Variants in CDKAL1 observed in about 807,000 individuals in gnomAD.
The protein encoded by CDKAL1 is CDKAL1 threonylcarbamoyladenosine tRNA methylthiotransferase.
In CDKAL1, 32 loss-of-function variants were observed where a neutral mutation model predicts 68.2. The ratio of observed to expected loss-of-function variants is 0.47; its 90% CI spans 0.35 to 0.63. CDKAL1 has a LOEUF of 0.63. CDKAL1 is among the 30% of genes least tolerant of loss of function. The pLI, the probability that CDKAL1 is intolerant of heterozygous loss-of-function variation, is 0.00. For missense variants in CDKAL1, 606 were observed against 696.7 expected (o/e 0.87, Z 1.47); for synonymous variants, 234 against 244.3 (o/e 0.96, Z 0.39).
intron 4 of CDKAL1, among the ~76,000 whole-genome samples, chr6:20,596,561 G>A (rs12210459): frequency 0.37 from 55,560 of 152,092 alleles, 10,406 homozygotes; most frequent in Middle Eastern, 0.45. Context: ...TGTGCTGGCA[G>A]TGCGAATTTC....
At chr6:20,664,885 A>G (rs1206325565) in intron 5 of CDKAL1, among the ~76,000 whole-genome samples, 1 of 152,134 alleles carries the variant, frequency 6.6e-6, no homozygotes, top group African/African-American at 2.4e-5. Context: ...CAGCATAATT[A>G]GAACTTAAAA....
intron 4 of CDKAL1, among the ~76,000 whole-genome samples, chr6:20,635,643 T>C (rs1767871962): frequency 6.6e-6 from 1 of 152,158 alleles, no homozygotes; most frequent in African/African-American, 2.4e-5. Flanking sequence ...GAGTTTTGGA[T>C]TAGGGATACT....
chr6:20,571,457 A>C (rs976118981), intron 4 of CDKAL1, among the ~76,000 whole-genome samples: 24 of 152,018 alleles, frequency 1.6e-4, no homozygotes, highest in African/African-American at 5.3e-4. Flanking sequence ...CTTATCTAGT[A>C]ATTGGTTGGA....
chr6:21,220,321 T>G (rs1179014182), intron 15 of CDKAL1, among the ~76,000 whole-genome samples: 2 of 152,222 alleles, frequency 1.3e-5, no homozygotes, highest in Non-Finnish European at 2.9e-5. Context: ...ATTTCCAAAC[T>G]TTGACCCAGT....
chr6:20,749,841 C>T (rs1162901839), intron 6 of CDKAL1, among the ~76,000 whole-genome samples: 1 of 152,024 alleles, frequency 6.6e-6, no homozygotes, highest in African/African-American at 2.4e-5. Flanking sequence ...GCCACCACGC[C>T]CAGCCCCAGA....
At chr6:20,629,121 A>G (rs760430501) in intron 4 of CDKAL1, among the ~76,000 whole-genome samples, 1 of 152,120 alleles carries the variant, frequency 6.6e-6, no homozygotes, top group Non-Finnish European at 1.5e-5. Context: ...TTTAATCTGG[A>G]CTAGTTTCTC....
At chr6:21,180,805 A>G (rs1020777836) in intron 13 of CDKAL1, among the ~76,000 whole-genome samples, 1 of 152,140 alleles carries the variant, frequency 6.6e-6, no homozygotes, top group Non-Finnish European at 1.5e-5. Context: ...TTTATATCTG[A>G]GTTTCATTTT....
At chr6:21,082,691 A>G (rs1261187676) in intron 12 of CDKAL1, among the ~76,000 whole-genome samples, 1 of 152,142 alleles carries the variant, frequency 6.6e-6, no homozygotes, top group Non-Finnish European at 1.5e-5. Flanking sequence ...TTTTATAGAA[A>G]AGTTGTAAGA....
intron 9 of CDKAL1, among the ~76,000 whole-genome samples, chr6:20,923,752 C>T (rs1014755271): frequency 1.3e-5 from 2 of 152,192 alleles, no homozygotes; most frequent in African/African-American, 4.8e-5. Context: ...GCGGCACACG[C>T]CTGTAATCTA....
In CDKAL1 at chr6:20,648,388, AAAGTG is replaced by A. The variant is rs1172336849; in HGVS notation, c.287-904_287-900del. On this transcript the variant is annotated intron_variant, in intron 4 of 15. Transcript: ENST00000274695. ...CATGATCCACCCTCCACAGCCTCCC[AAAGTG>A]CTGGGATTACGGGAGTGAGCCACTG... 5.3e-5 allele frequency among the ~76,000 whole-genome samples: 8 copies of A among 152,160 alleles called. No individual in the cohort carries two copies. The South Asian group carries it at 1.5e-3, about 28-fold the overall frequency.
At chr6:20,764,952 G>C (rs1295483035) in intron 7 of CDKAL1, among the ~76,000 whole-genome samples, 1 of 152,140 alleles carries the variant, frequency 6.6e-6, no homozygotes, top group Non-Finnish European at 1.5e-5. Context: ...ATACTTTCCA[G>C]TCTCATCGGT....
chr6:20,945,644 C>T (rs1764200513), intron 9 of CDKAL1, among the ~76,000 whole-genome samples: 1 of 152,078 alleles, frequency 6.6e-6, no homozygotes, highest in Admixed American at 6.5e-5. Flanking sequence ...TGGATTTCAA[C>T]TTAAATAATG....
intron 13 of CDKAL1, among the ~76,000 whole-genome samples, chr6:21,134,055 C>G (rs529008801): frequency 1.3e-5 from 2 of 152,038 alleles, no homozygotes; most frequent in Non-Finnish European, 2.9e-5. Context: ...ATCCATTTGC[C>G]GGGGTCGTGG....
At chr6:21,014,541 G>A (rs1768205595) in intron 11 of CDKAL1, among the ~76,000 whole-genome samples, 1 of 152,002 alleles carries the variant, frequency 6.6e-6, no homozygotes, top group African/African-American at 2.4e-5. Flanking sequence ...AACCTGGGAG[G>A]CGGAGCTTGC....
intron 4 of CDKAL1, among the ~76,000 whole-genome samples, chr6:20,579,924 A>G (rs1231501824): frequency 6.6e-6 from 1 of 152,204 alleles, no homozygotes; most frequent in Non-Finnish European, 1.5e-5. Flanking sequence ...GATATGTAGG[A>G]AGGGATGATT....
chr6:20,874,309 G>GT (rs66860555), intron 9 of CDKAL1, among the ~76,000 whole-genome samples: 21 of 149,374 alleles, frequency 1.4e-4, no homozygotes, highest in East Asian at 6.0e-4. Flanking sequence ...TTGTTTGTTT[G>GT]TTTTTTTTTT....
At chr6:20,932,282 A>G (rs1763496883) in intron 9 of CDKAL1, among the ~76,000 whole-genome samples, 1 of 152,150 alleles carries the variant, frequency 6.6e-6, no homozygotes, top group Non-Finnish European at 1.5e-5. Flanking sequence ...GTGTTCTCTT[A>G]TGAACCCACC....
intron 10 of CDKAL1, among the ~76,000 whole-genome samples, chr6:20,975,601 GTAT>G (rs139410439): frequency 0.018 from 2,765 of 152,114 alleles, 81 homozygotes; most frequent in African/African-American, 0.063. Flanking sequence ...TAAGCAACAC[GTAT>G]TATTTTCAAA....
intron 13 of CDKAL1, among the ~76,000 whole-genome samples, chr6:21,135,169 T>G (rs1321054639): frequency 6.6e-6 from 1 of 152,166 alleles, no homozygotes; most frequent in Non-Finnish European, 1.5e-5. Flanking sequence ...AGGTTCATAC[T>G]GACTGGCCTA....
Sources: allele counts gnomAD v4.1 joint callset (sites outside exome capture counted in the v4.1 genomes callset), GRCh38; gene constraint gnomAD v4.1.1; transcripts MANE v1.5; gene names NCBI Gene and HGNC (gene_info 2026-07-23, HGNC 2026-07-21).